Variants in KSR2 observed in about 807,000 individuals in gnomAD.
The protein encoded by KSR2 is kinase suppressor of ras 2.
A neutral mutation model predicts 107.8 loss-of-function variants in KSR2; 25 were observed. That is an observed-to-expected ratio of 0.23 (90% CI 0.17 to 0.32). The LOEUF (loss-of-function observed/expected upper bound fraction) is 0.32. KSR2 is among the 10% of genes least tolerant of loss of function. The pLI, the probability that KSR2 is intolerant of heterozygous loss-of-function variation, is 1.00. For missense variants in KSR2, 887 were observed against 1,268.9 expected, an observed-to-expected ratio of 0.70 and a Z score of 4.57; for synonymous variants, 480 against 507.0, an observed-to-expected ratio of 0.95 and a Z score of 0.71.
chr12:117,962,147 TAA>T (rs36119176), intron 1 of KSR2, among the ~76,000 whole-genome samples: 379 of 112,434 alleles, frequency 3.4e-3, no homozygotes, highest in Admixed American at 5.3e-3. Context: ...CCTGTCTCTT[TAA>T]AAAAAAAAAA....
intron 4 of KSR2, among the ~76,000 whole-genome samples, chr12:117,714,700 C>T (rs1395431404): frequency 6.6e-6 from 1 of 152,160 alleles, no homozygotes; most frequent in Non-Finnish European, 1.5e-5. Flanking sequence ...AGTCCCTGTT[C>T]TCAATGGGGA....
intron 16 of KSR2, among the ~76,000 whole-genome samples, chr12:117,479,011 G>T (rs1347340694): frequency 6.6e-6 from 1 of 152,196 alleles, no homozygotes; most frequent in Non-Finnish European, 1.5e-5. Flanking sequence ...TAGAAACACT[G>T]GGTGGAGGAA....
At chr12:117,740,387 C>T (rs1308579636) in intron 4 of KSR2, among the ~76,000 whole-genome samples, 9 of 128,818 alleles carry the variant, frequency 7.0e-5, no homozygotes, top group Admixed American at 4.3e-4. Flanking sequence ...TTATATATAC[C>T]ATATATAATA....
chr12:117,579,331 G>A, intron 6 of KSR2, 129 bp from the exon 7 acceptor site: 3 of 714,060 alleles, frequency 4.2e-6, no homozygotes. Context: ...CGAGCTGTGT[G>A]ACTTAATCAA....
chr12:117,904,084 T>A (rs1338203894), intron 1 of KSR2, among the ~76,000 whole-genome samples: 2 of 151,536 alleles, frequency 1.3e-5, no homozygotes, highest in Admixed American at 1.3e-4. Context: ...AATGAAGAAA[T>A]CAAAAGTTTA....
chr12:117,661,921 GT>G (rs1198931113), intron 5 of KSR2, among the ~76,000 whole-genome samples: 2 of 152,210 alleles, frequency 1.3e-5, no homozygotes, highest in Non-Finnish European at 2.9e-5. Context: ...TTTAGGAACT[GT>G]TCTGTAGCAT....
chr12:117,589,236 TG>T (rs1485131824), intron 5 of KSR2, among the ~76,000 whole-genome samples: 1 of 152,220 alleles, frequency 6.6e-6, no homozygotes, highest in Admixed American at 6.5e-5. Context: ...TAAACCCTGT[TG>T]GATAAATAAG....
intron 1 of KSR2, among the ~76,000 whole-genome samples, chr12:117,913,728 A>G (rs926737402): frequency 2.0e-5 from 3 of 152,164 alleles, no homozygotes; most frequent in African/African-American, 7.2e-5. Flanking sequence ...CCCTGCTGAC[A>G]TCTTGATTTG....
At chr12:117,758,517 A>G (rs1429050975) in intron 4 of KSR2, among the ~76,000 whole-genome samples, 1 of 152,136 alleles carries the variant, frequency 6.6e-6, no homozygotes, top group Non-Finnish European at 1.5e-5. Context: ...AAGGTGGGCC[A>G]GGGAACTACC....
At chr12:117,788,827 C>A (rs1336484755) in intron 3 of KSR2, among the ~76,000 whole-genome samples, 1 of 152,146 alleles carries the variant, frequency 6.6e-6, no homozygotes, top group East Asian at 1.9e-4. Context: ...GAACACATTT[C>A]AAATGACCTG....
intron 4 of KSR2, among the ~76,000 whole-genome samples, chr12:117,670,920 G>A (rs185341833): frequency 1.9e-3 from 294 of 152,198 alleles, no homozygotes; most frequent in African/African-American, 6.9e-3. Flanking sequence ...GCTACCACGT[G>A]TATAATGCCC....
At chr12:117,773,638 T>G (rs1223926322) in intron 3 of KSR2, among the ~76,000 whole-genome samples, 1 of 152,246 alleles carries the variant, frequency 6.6e-6, no homozygotes, top group Non-Finnish European at 1.5e-5. Context: ...ATGCACTTGT[T>G]AGTTTAATCC....
intron 9 of KSR2, among the ~76,000 whole-genome samples, chr12:117,551,449 A>G (rs1877304613): frequency 6.6e-6 from 1 of 152,200 alleles, no homozygotes; most frequent in Admixed American, 6.5e-5. Context: ...ACCTCCTATT[A>G]TGTCTATTTT....
chr12:117,650,124 G>A (rs529534512), intron 5 of KSR2, among the ~76,000 whole-genome samples: 45 of 152,314 alleles, frequency 3.0e-4, no homozygotes, highest in Middle Eastern at 6.8e-3. Flanking sequence ...TCAGTGGGCT[G>A]GGGAAAGCAG....
intron 5 of KSR2, among the ~76,000 whole-genome samples, chr12:117,664,029 A>G (rs531718824): frequency 2.0e-5 from 3 of 152,322 alleles, no homozygotes; most frequent in African/African-American, 7.2e-5. Flanking sequence ...CCCATGGTGA[A>G]CAGAAGCGTC....
intron 3 of KSR2, among the ~76,000 whole-genome samples, chr12:117,793,810 ACAC>A (rs1457281641): frequency 1.4e-5 from 2 of 138,672 alleles, no homozygotes; most frequent in South Asian, 2.2e-4. Context: ...CAACATGCAC[ACAC>A]CAACATGCAC....
chr12:117,747,093 A>C (rs1442012116), intron 4 of KSR2, among the ~76,000 whole-genome samples: 1 of 152,182 alleles, frequency 6.6e-6, no homozygotes, highest in South Asian at 2.1e-4. Context: ...TATATACCCA[A>C]AGGATTATAC....
At chr12:117,896,766 A>T (rs1894524978) in intron 1 of KSR2, among the ~76,000 whole-genome samples, 1 of 152,118 alleles carries the variant, frequency 6.6e-6, no homozygotes, top group Non-Finnish European at 1.5e-5. Flanking sequence ...GGCCTGCACA[A>T]CCTTATAAAT....
At chr12:117,484,753 G>A (rs1425003378) in intron 15 of KSR2, among the ~76,000 whole-genome samples, 1 of 152,134 alleles carries the variant, frequency 6.6e-6, no homozygotes, top group Non-Finnish European at 1.5e-5. Flanking sequence ...GGGCCCCCAA[G>A]ACACAAATCC....
Sources: allele counts gnomAD v4.1 joint callset (sites outside exome capture counted in the v4.1 genomes callset), GRCh38; gene constraint gnomAD v4.1.1; transcripts MANE v1.5; gene names NCBI Gene and HGNC (gene_info 2026-07-23, HGNC 2026-07-21).